Variants in ABHD2 observed in about 807,000 individuals in gnomAD.
ABHD2 encodes the protein monoacylglycerol lipase ABHD2.
Under a neutral mutation model 48.1 loss-of-function variants are expected in ABHD2, and 20 were observed. The observed-to-expected ratio is 0.42, with a 90% CI of 0.29 to 0.60. The LOEUF is 0.60. ABHD2 is among the 20% of genes least tolerant of loss of function. The pLI is 0.24. For synonymous variants in ABHD2, 209 were observed against 214.2 expected (o/e 0.98, Z 0.21); for missense variants, 405 against 550.9 (o/e 0.74, Z 2.65).
intron 3 of ABHD2, among the ~76,000 whole-genome samples, chr15:89,142,315 T>C (rs2050416381): frequency 6.6e-6 from 1 of 152,260 alleles, no homozygotes; most frequent in South Asian, 2.1e-4. Context: ...TTTTATTTAT[T>C]ATGCCGTGTT....
At position 89,122,224 on chromosome 15, in the gene ABHD2, T is replaced by C. The variant is rs1395876358; in HGVS notation, c.194+5703T>C. On this transcript the variant is annotated intron_variant, in intron 3 of 10. Coordinates refer to ENST00000352732, the MANE Select transcript of ABHD2 (RefSeq NM_152924.5). ...CCTTCTTCCATCTTCCTACCATGTT[T>C]CCCCAACATATAACTTCTGTGTCCG... Among the ~76,000 whole-genome samples, 7 of 152,214 alleles carry C rather than the reference T, an allele frequency of 4.6e-5. No homozygotes were observed. In the East Asian group the frequency reaches 1.3e-3, roughly 29 times the overall value.
chr15:89,176,853 A>G lies in ABHD2; in HGVS notation c.722+858A>G, dbSNP rs2051022140. Among the ~76,000 whole-genome samples, 1 of 152,242 alleles carries G rather than the reference A, an allele frequency of 6.6e-6. No individual in the cohort carries two copies. The highest frequency in any genetic ancestry group is 2.4e-5 in the African/African-American group (1 of 41,464). ...TTTAAAAACACCTCCCTATTGATCC[A>G]GTCTAATGCCAAACAGTCCTTATCG... On this transcript the variant is annotated intron_variant, in intron 6 of 10. Transcript: ENST00000352732. The surrounding 1 kb of genome is among the most constrained non-coding windows in gnomAD (Gnocchi z 4.5).
At chr15:89,127,722 C>CATAT (rs72455898) in intron 3 of ABHD2, among the ~76,000 whole-genome samples, 31,461 of 132,924 alleles carry the variant, frequency 0.24, 4,010 homozygotes, top group Non-Finnish European at 0.28. Flanking sequence ...TATATATACA[C>CATAT]ATATATATAT....
chr15:89,117,301 C>T (rs2150816768), intron 3 of ABHD2, among the ~76,000 whole-genome samples: 1 of 152,374 alleles, frequency 6.6e-6, no homozygotes, highest in Non-Finnish European at 1.5e-5. Context: ...GCTGGGATTA[C>T]AGGCATGAGC....
intron 5 of ABHD2, among the ~76,000 whole-genome samples, chr15:89,162,563 G>A (rs1221497778): frequency 4.6e-5 from 7 of 152,000 alleles, no homozygotes; most frequent in African/African-American, 1.7e-4. Flanking sequence ...CTAATCCCAG[G>A]ACTGCCCAGG....
upstream of ABHD2, chr15:89,087,203 G>T (rs1901385295): frequency 6.6e-6 from 1 of 152,214 alleles, no homozygotes; most frequent in African/African-American, 2.4e-5. The surrounding 1 kb of genome is among the most constrained non-coding windows in gnomAD (Gnocchi z 5.5). Context: ...AGCCTTCAAA[G>T]GATGTTATTT....
intron 10 of ABHD2, among the ~76,000 whole-genome samples, chr15:89,194,360 G>T (rs920048145): frequency 1.3e-5 from 2 of 151,932 alleles, no homozygotes; most frequent in African/African-American, 2.4e-5. Context: ...TTAGCCAGGC[G>T]TGGTGGTACA....
the ABHD2 span, among the ~76,000 whole-genome samples, chr15:89,081,445 T>C: frequency 2.6e-5 from 4 of 152,202 alleles, no homozygotes; most frequent in African/African-American, 9.7e-5. Flanking sequence ...AATGCTGCTA[T>C]GAACCCTGGC....
chr15:89,133,314 A>G (rs2050249677), intron 3 of ABHD2, among the ~76,000 whole-genome samples: 1 of 152,164 alleles, frequency 6.6e-6, no homozygotes, highest in Non-Finnish European at 1.5e-5. Context: ...GGTTTCCTTT[A>G]TTTGTAATCT....
intron 3 of ABHD2, among the ~76,000 whole-genome samples, chr15:89,126,174 T>G (rs962615945): frequency 2.0e-5 from 3 of 152,168 alleles, no homozygotes; most frequent in African/African-American, 7.2e-5. Flanking sequence ...TACAACTGAT[T>G]CCATCACGTG....
At chr15:89,084,874 A>T (rs1472594914), upstream of ABHD2, among the ~76,000 whole-genome samples, 1 of 152,210 alleles carries the variant, frequency 6.6e-6, no homozygotes, top group Non-Finnish European at 1.5e-5. The surrounding 1 kb of genome is among the most constrained non-coding windows in gnomAD (Gnocchi z 4.4). Flanking sequence ...TACAGAAGAA[A>T]GTAGGGCACA....
chr15:89,064,422 G>A, the ABHD2 span, among the ~76,000 whole-genome samples: 1 of 151,838 alleles, frequency 6.6e-6, no homozygotes, highest in African/African-American at 2.4e-5. Flanking sequence ...TAGAGACGGG[G>A]TTTCACCGTG....
In ABHD2 at chr15:89,102,303, A is replaced by G. The variant is rs1030596931; in HGVS notation, c.-106-11422A>G. 7 of 152,206 alleles carry G rather than the reference A, an allele frequency of 4.6e-5. No homozygotes were observed. Among genetic ancestry groups the G allele is most frequent in the Non-Finnish European group, 1.0e-4 (7 of 68,054 alleles). 9.4% of individuals were successfully genotyped at this position (152,206 alleles called of 1,614,324 possible). ...CTCTAGTATTTATAGTTGGTACTTC[A>G]GAGTTTAGTACTTCATTATATACAG... On this transcript the variant is annotated intron_variant, in intron 1 of 10. Transcript: ENST00000352732. This position sits in a 1 kb window ranked among gnomAD's most constrained non-coding sequence, Gnocchi z 4.8.
In ABHD2 at chr15:89,170,080, C is replaced by CT. The variant is rs748983183; in HGVS notation, c.539-5699dup. On this transcript the variant is annotated intron_variant, in intron 5 of 10. Coordinates refer to ENST00000352732, the MANE Select transcript of ABHD2 (RefSeq NM_152924.5). ...GAGCCATTCCATGTCAGATCAGATT[C>CT]TTTTTTTTTTTTTTTTTTTTTTTTT... Among the ~76,000 whole-genome samples the CT allele has an allele frequency of 4.4e-3, 164 of 37,500 alleles. 35 individuals carry two copies. The highest frequency in any genetic ancestry group is 4.9e-3 in the Non-Finnish European group (91 of 18,426). 24.6% of individuals were successfully genotyped at this position (37,500 alleles called of 152,430 possible).
intron 5 of ABHD2, among the ~76,000 whole-genome samples, chr15:89,157,736 G>A (rs1032959191): frequency 5.9e-5 from 9 of 152,056 alleles, no homozygotes; most frequent in Admixed American, 3.3e-4. Flanking sequence ...CCAGCTACTC[G>A]GGAGGCTGAG....
intron 3 of ABHD2, among the ~76,000 whole-genome samples, chr15:89,150,256 C>A (rs1156725748): frequency 2.6e-5 from 4 of 152,162 alleles, no homozygotes; most frequent in Non-Finnish European, 5.9e-5. Context: ...AGCTTAATTT[C>A]TTGGATAGTC....
upstream of ABHD2, among the ~76,000 whole-genome samples, chr15:89,084,006 G>T (rs1901317626): frequency 6.6e-6 from 1 of 152,138 alleles, no homozygotes; most frequent in Admixed American, 6.5e-5. This position sits in a 1 kb window ranked among gnomAD's most constrained non-coding sequence, Gnocchi z 4.4. Context: ...ACTGCACCAT[G>T]TCATGACTGC....
intron 5 of ABHD2, among the ~76,000 whole-genome samples, chr15:89,157,836 C>G (rs1349043150): frequency 5.3e-5 from 8 of 151,616 alleles, no homozygotes; most frequent in Admixed American, 3.9e-4. Context: ...GAGTGAGACT[C>G]CATCTCAAAA....
chr15:89,102,850 AC>A lies in ABHD2; in HGVS notation c.-106-10872del, dbSNP rs565128928. On this transcript the variant is annotated intron_variant, in intron 1 of 10. Coordinates refer to ENST00000352732, the MANE Select transcript of ABHD2 (RefSeq NM_152924.5). This position sits in a 1 kb window ranked among gnomAD's most constrained non-coding sequence, Gnocchi z 4.8. Reference sequence around the variant, plus strand: ...TGATACAGGCAACGTTTGCACAAAAACCCAAAGGAAGAAGGCTGCTGGTAGG... The same window carrying A: ...TGATACAGGCAACGTTTGCACAAAAACCAAAGGAAGAAGGCTGCTGGTAGG... 3.0e-3 allele frequency among the ~76,000 whole-genome samples: 453 copies of A among 152,312 alleles called. 3 individuals are homozygous for A. Among genetic ancestry groups the A allele is most frequent in the African/African-American group, 0.01 (435 of 41,560 alleles).
Sources: allele counts gnomAD v4.1 joint callset (sites outside exome capture counted in the v4.1 genomes callset), GRCh38; gene constraint gnomAD v4.1.1; non-coding constraint Gnocchi (gnomAD v3.1); transcripts MANE v1.5; gene names NCBI Gene and HGNC (gene_info 2026-07-23, HGNC 2026-07-21).